Variants in FGFR4 observed in about 807,000 individuals in gnomAD.
FGFR4 encodes fibroblast growth factor receptor 4.
A neutral mutation model predicts 89.9 loss-of-function variants in FGFR4; 63 were observed. The observed-to-expected ratio is 0.70, with a 90% CI of 0.57 to 0.86. The LOEUF (loss-of-function observed/expected upper bound fraction) is 0.86. Among genes scored for constraint, FGFR4 ranks in the 40% least tolerant of loss-of-function variants. The probability of loss-of-function intolerance (pLI) is 0.00; values close to 1 mark genes in which losing one functional copy is unlikely to be tolerated. For missense variants in FGFR4, 928 were observed against 1,106.7 expected (o/e 0.84, Z 2.29); for synonymous variants, 486 against 479.4 (o/e 1.01, Z -0.18).
At chr5:177,089,357 A>C (rs1465983966) in intron 1 of FGFR4, among the ~76,000 whole-genome samples, 193 bp from the exon 2 acceptor site, 1 of 152,184 alleles carries the variant, frequency 6.6e-6, no homozygotes, top group Non-Finnish European at 1.5e-5. Flanking sequence ...GACCCCTTGC[A>C]CAACCTACCG....
chr5:177,092,564 T>A, intron 7 of FGFR4, 53 bp downstream of exon 7: 2 of 1,563,978 alleles, frequency 1.3e-6, no homozygotes, highest in South Asian at 1.2e-5. Flanking sequence ...CCACCTTGGG[T>A]TGGGGGGCTC....
intron 1 of FGFR4, among the ~76,000 whole-genome samples, chr5:177,089,173 G>A (rs1357863938): frequency 6.6e-6 from 1 of 152,086 alleles, no homozygotes; most frequent in Non-Finnish European, 1.5e-5. Context: ...TTCTTTTTTG[G>A]CTCTTCTGCA....
chr5:177,096,444 G>A (rs542608345), intron 15 of FGFR4, 87 bp downstream of exon 15: 31 of 1,556,946 alleles, frequency 2.0e-5, no homozygotes, highest in Middle Eastern at 3.6e-4. Flanking sequence ...TCATGCGCTC[G>A]AGGGCTCCTT....
Position 177,096,313 on chromosome 5 carries a change from G to T in FGFR4, c.1971G>T (p.Ala657=), listed in dbSNP as rs746022921. 36 of 1,613,964 alleles carry T rather than the reference G, an allele frequency of 2.2e-5. No homozygotes were observed. The highest frequency in any genetic ancestry group is 2.7e-5 in the Non-Finnish European group (32 of 1,180,022). ...SNGRLPVKWM[A]PEALFDRVYT... ...GCCGCCTGCCTGTGAAGTGGATGGC[G>T]CCCGAGGCCTTGTTTGACCGGGTGT... The change falls in exon 15 of 18, where the codon GCG becomes GCT. Residue 657 remains alanine (A), a synonymous_variant. Coordinates refer to ENST00000292408, the MANE Select transcript of FGFR4 (RefSeq NM_213647.3).
Position 177,093,818 on chromosome 5 carries a change from C to G in FGFR4, c.1519+43C>G, listed in dbSNP as rs1162129869. 3.8e-6 allele frequency: 6 copies of G among 1,584,622 alleles called. No homozygotes were observed. The highest frequency in any genetic ancestry group is 5.2e-6 in the Non-Finnish European group (6 of 1,160,624). ...TGGTGGCTCACACCTGTAACGCCAG[C>G]ACTTTAGGAGGCTGAGGGTGGGAGG... is the stretch of plus-strand genomic sequence containing the variant. On this transcript the variant is annotated intron_variant, in intron 11 of 17. Coordinates refer to ENST00000292408, the MANE Select transcript of FGFR4 (RefSeq NM_213647.3). This position sits in a 1 kb window ranked among gnomAD's most constrained non-coding sequence, Gnocchi z 5.8.
intron 1 of FGFR4, among the ~76,000 whole-genome samples, chr5:177,089,207 A>G (rs896923030): frequency 1.3e-5 from 2 of 152,194 alleles, no homozygotes; most frequent in East Asian, 1.9e-4. Flanking sequence ...TTTAGCAAAA[A>G]AGAAATTATG....
At chr5:177,097,227 C>G (rs1784635430) in intron 16 of FGFR4, 65 bp from the exon 17 acceptor site, 3 of 1,365,496 alleles carry the variant, frequency 2.2e-6, no homozygotes, top group South Asian at 2.8e-5. Context: ...CCAGAGAACC[C>G]CCGGTCCTCC....
chr5:177,095,650 C>T lies in FGFR4; in HGVS notation c.1748C>T (p.Pro583Leu), dbSNP rs138800021. ...GACGGTCCTCGGAGCAGTGAGGGGC[C>T]GCTCTCCTTCCCAGTCCTGGTCTCC... The part of the protein sequence containing the change: ...SPDGPRSSEG[P>L]LSFPVLVSCA... The change falls in exon 13 of 18, where the codon CCG becomes CTG. Residue 583 changes from proline to leucine, a missense_variant. By Grantham distance (98) the Pro-to-Leu change is moderately conservative (BLOSUM62 -3). This residue lies in a region of FGFR4 where 741 missense variants were observed against 836.9 expected (regional missense o/e 0.89). Transcript: ENST00000292408. The surrounding 1 kb of genome is among the most constrained non-coding windows in gnomAD (Gnocchi z 5.7). The T allele has an allele frequency of 4.7e-5, 75 of 1,607,578 alleles. No individual in the cohort carries two copies. In the East Asian group the frequency reaches 1.0e-3, roughly 22 times the overall value.
Position 177,095,501 on chromosome 5 carries a change from G to A in FGFR4, c.1631-32G>A. On this transcript the variant is annotated intron_variant, in intron 12 of 17. Transcript: ENST00000292408. This position sits in a 1 kb window ranked among gnomAD's most constrained non-coding sequence, Gnocchi z 5.7. ...AGGGTGCAGAGCCAAAGCTTTGGCAGCCTCTCCACGCTCCCTCCACTCCCT... is the reference window on the plus strand; with the variant it reads ...AGGGTGCAGAGCCAAAGCTTTGGCAACCTCTCCACGCTCCCTCCACTCCCT... The A allele has an allele frequency of 6.2e-7, 1 of 1,612,686 alleles. No homozygotes were observed. The highest frequency in any genetic ancestry group is 2.2e-5 in the East Asian group (1 of 44,802).
chr5:177,095,942 A>T lies in FGFR4; in HGVS notation c.1822-115A>T. 1 of 1,423,966 alleles carries T rather than the reference A, an allele frequency of 7.0e-7. No individual in the cohort carries two copies. Among genetic ancestry groups the T allele is most frequent in the Non-Finnish European group, 9.3e-7 (1 of 1,069,842 alleles). The allele number at this position is 1,423,966 out of a possible 1,614,324, so 88.2% of individuals were successfully genotyped here. On this transcript the variant is annotated intron_variant, in intron 13 of 17. Coordinates refer to ENST00000292408, the MANE Select transcript of FGFR4 (RefSeq NM_213647.3). This position sits in a 1 kb window ranked among gnomAD's most constrained non-coding sequence, Gnocchi z 5.7. Reference sequence around the variant, plus strand: ...AGGCACTCCCCGTTTCTAAACCTTGACCTCCTCCTCTGTAAAGTGGGTGGA... The same window carrying T: ...AGGCACTCCCCGTTTCTAAACCTTGTCCTCCTCCTCTGTAAAGTGGGTGGA...
In FGFR4 at chr5:177,090,661, ACT is replaced by A. The variant is rs1327044918; in HGVS notation, c.355+11_355+12del. 6.6e-7 allele frequency: 1 copy of A among 1,524,478 alleles called. No homozygotes were observed. Among genetic ancestry groups the A allele is most frequent in the East Asian group, 2.3e-5 (1 of 44,098 alleles). 94.4% of individuals were successfully genotyped at this position (1,524,478 alleles called of 1,614,324 possible). A position where few individuals can be genotyped will look rare whatever the true frequency, so the allele number is the denominator to read the frequency against. ...TCACCTTGATTACAGGTGGTAAGAGACTCTAGCAGGGAGTGAAGGGATGCCTG... is the reference window on the plus strand; with the variant it reads ...TCACCTTGATTACAGGTGGTAAGAGACTAGCAGGGAGTGAAGGGATGCCTG... On this transcript the variant is annotated intron_variant, in intron 3 of 17. Transcript: ENST00000292408.
chr5:177,096,587 C>T lies in FGFR4; in HGVS notation c.2016-17C>T. Reference sequence around the variant, plus strand: ...GGGAGGGCGCTGAGCCACACTGAGCCCTGGCCCTACCTCCAGGTGGTCTTT... The same window carrying T: ...GGGAGGGCGCTGAGCCACACTGAGCTCTGGCCCTACCTCCAGGTGGTCTTT... On this transcript the variant is annotated splice_polypyrimidine_tract_variant and intron_variant, in intron 15 of 17. Transcript: ENST00000292408. 6.2e-7 allele frequency: 1 copy of T among 1,613,222 alleles called. No homozygotes were observed. The highest frequency in any genetic ancestry group is 8.5e-7 in the Non-Finnish European group (1 of 1,179,624).
In FGFR4 at chr5:177,089,624, T is replaced by C; in HGVS notation, c.22T>C (p.Leu8=). MRLLLAL[L]GVLLSVPGPP... is the part of the protein sequence containing the mutation. Reference sequence around the variant, plus strand: ...GGAGATGCGGCTGCTGCTGGCCCTGTTGGGGGTCCTGCTGAGTGTGCCTGG... The same window carrying C: ...GGAGATGCGGCTGCTGCTGGCCCTGCTGGGGGTCCTGCTGAGTGTGCCTGG... Residue 8 remains leucine, a synonymous_variant, in exon 2 of 18, where the codon TTG becomes CTG. Coordinates refer to ENST00000292408, the MANE Select transcript of FGFR4 (RefSeq NM_213647.3). 1.9e-6 allele frequency: 3 copies of C among 1,613,808 alleles called. No homozygotes were observed. Among genetic ancestry groups the C allele is most frequent in the African/African-American group, 1.3e-5 (1 of 75,000 alleles).
At chr5:177,091,614 C>T in intron 5 of FGFR4, 71 bp from the exon 6 acceptor site, 1 of 1,588,374 alleles carries the variant, frequency 6.3e-7, no homozygotes, top group Non-Finnish European at 8.6e-7. Flanking sequence ...GGATGAGGAT[C>T]TAGCCTCCTG....
In FGFR4 at chr5:177,093,463, C is replaced by A. The variant is rs558220864; in HGVS notation, c.1309C>A (p.Arg437Ser). The A allele has an allele frequency of 1.9e-6, 3 of 1,614,008 alleles. No individual in the cohort carries two copies. The highest frequency in any genetic ancestry group is 1.7e-6 in the Non-Finnish European group (2 of 1,180,012). Residue 437 changes from arginine to serine, a missense_variant, in exon 10 of 18, where the codon CGT (arginine) becomes AGT (serine). Arg to Ser is a moderately radical substitution (Grantham distance 110). Coordinates refer to ENST00000292408, the MANE Select transcript of FGFR4 (RefSeq NM_213647.3). This position sits in a 1 kb window ranked among gnomAD's most constrained non-coding sequence, Gnocchi z 5.8. ...KSSSSLVRGV[R>S]LSSSGPALLA... ...AAGCTCATCCCTGGTACGAGGCGTG[C>A]GTCTCTCCTCCAGCGGCCCCGCCTT...
Position 177,093,789 on chromosome 5 carries a change from G to A in FGFR4, c.1519+14G>A, listed in dbSNP as rs368623098. ...AGATGCTCAAAGGTGAGTGTGGCCC[G>A]GTGTGGTGGCTCACACCTGTAACGC... On this transcript the variant is annotated intron_variant, in intron 11 of 17. Coordinates refer to ENST00000292408, the MANE Select transcript of FGFR4 (RefSeq NM_213647.3). This position sits in a 1 kb window ranked among gnomAD's most constrained non-coding sequence, Gnocchi z 5.8. 405 of 1,606,380 alleles carry A rather than the reference G, an allele frequency of 2.5e-4. No homozygotes were observed. Among genetic ancestry groups the A allele is most frequent in the Non-Finnish European group, 3.2e-4 (374 of 1,175,554 alleles).
At chr5:177,089,881 CT>C in intron 2 of FGFR4, 188 bp downstream of exon 2, 5 of 822,072 alleles carry the variant, frequency 6.1e-6, no homozygotes, top group Non-Finnish European at 1.0e-5. Flanking sequence ...ATCACTGTGT[CT>C]GCGAGAGAGG....
In FGFR4 at chr5:177,095,678, C is replaced by A; in HGVS notation, c.1776C>A (p.Cys592Ter). ...TCTCCTTCCCAGTCCTGGTCTCCTG[C>A]GCCTACCAGGTGGCCCGAGGCATGC... ...GPLSFPVLVS[C>*]AYQVARGMQY... The change falls in exon 13 of 18, where the codon TGC becomes TGA. Residue 592 changes from cysteine to a stop codon, truncating the protein, a stop_gained. Transcript: ENST00000292408. LOFTEE classifies it high-confidence loss of function. The surrounding 1 kb of genome is among the most constrained non-coding windows in gnomAD (Gnocchi z 5.7). The A allele has an allele frequency of 1.2e-6, 2 of 1,609,166 alleles. No homozygotes were observed. Among genetic ancestry groups the A allele is most frequent in the Non-Finnish European group, 1.7e-6 (2 of 1,178,882 alleles).
rs1284327467 is a variant in FGFR4, at chr5:177,087,534, A to G, written c.-54+457A>G. On this transcript the variant is annotated intron_variant, in intron 1 of 17. Coordinates refer to ENST00000292408, the MANE Select transcript of FGFR4 (RefSeq NM_213647.3). This position sits in a 1 kb window ranked among gnomAD's most constrained non-coding sequence, Gnocchi z 6.1. ...CTGAAGGAGAACCCAGGACTGTCTGATGCCTAAGGCAGGCCCTCCATTCCC... is the reference window on the plus strand; with the variant it reads ...CTGAAGGAGAACCCAGGACTGTCTGGTGCCTAAGGCAGGCCCTCCATTCCC... 2 of 972,814 alleles carry G rather than the reference A, an allele frequency of 2.1e-6. No individual in the cohort carries two copies. The highest frequency in any genetic ancestry group is 1.2e-6 in the Non-Finnish European group (1 of 818,688). The allele number at this position is 972,814 out of a possible 1,614,324, so 60.3% of individuals were successfully genotyped here.
Sources: gnomAD v4.1 joint callset for allele counts (sites outside exome capture counted in the v4.1 genomes callset) on GRCh38, gnomAD v4.1.1 for gene constraint, gnomAD v4.1.1 regional missense constraint, Gnocchi (gnomAD v3.1) non-coding constraint, MANE v1.5 for transcripts, NCBI Gene and HGNC (gene_info 2026-07-23, HGNC 2026-07-21) for gene names.